Variants in NTM observed in about 807,000 individuals in gnomAD.
The protein encoded by NTM is IgLON family member 2.
A neutral mutation model predicts 42.1 loss-of-function variants in NTM; 13 were observed. The observed-to-expected ratio is 0.31, with a 90% CI of 0.20 to 0.49. NTM has a LOEUF of 0.49. Among genes scored for constraint, NTM ranks in the 20% least tolerant of loss-of-function variants. NTM has a pLI of 0.99. For synonymous variants in NTM, 187 were observed against 179.2 expected (o/e 1.04, Z -0.35); for missense variants, 373 against 452.8 (o/e 0.82, Z 1.60).
At chr11:132,128,746 C>G (rs2066282377) in intron 2 of NTM, among the ~76,000 whole-genome samples, 1 of 150,218 alleles carries the variant, frequency 6.7e-6, no homozygotes, top group Non-Finnish European at 1.5e-5. Context: ...AACCCCGTCT[C>G]TACTAAAAAA....
At chr11:132,275,266 G>C (rs2139748630) in intron 4 of NTM, among the ~76,000 whole-genome samples, 1 of 152,118 alleles carries the variant, frequency 6.6e-6, no homozygotes, top group Middle Eastern at 3.4e-3. Flanking sequence ...CAGATATCCA[G>C]TCATCCTAGA....
At position 131,999,353 on chromosome 11, in the gene NTM, G is replaced by T. The variant is rs114789150; in HGVS notation, c.167+87705G>T. ...GCCAAGTCAATAATTCAAGCAGCAC[G>T]AGGTATCTTAGTACTTGAGCAATGC... On this transcript the variant is annotated intron_variant, in intron 2 of 8. Transcript: ENST00000683400. Among the ~76,000 whole-genome samples, 665 of 152,250 alleles carry T rather than the reference G, an allele frequency of 4.4e-3. 5 individuals are homozygous for T. Among genetic ancestry groups the T allele is most frequent in the African/African-American group, 0.015 (635 of 41,550 alleles).
chr11:131,931,594 A>G (rs987768665), intron 2 of NTM, among the ~76,000 whole-genome samples: 2 of 151,646 alleles, frequency 1.3e-5, no homozygotes, highest in African/African-American at 4.9e-5. Context: ...GCGTTGCACT[A>G]GGTGATGTTT....
intron 7 of NTM, among the ~76,000 whole-genome samples, chr11:132,321,329 T>C (rs1254762885): frequency 6.6e-6 from 1 of 151,994 alleles, no homozygotes; most frequent in African/African-American, 2.4e-5. Context: ...GAGAAGTGCT[T>C]AAAGGAGCTG....
intron 1 of NTM, among the ~76,000 whole-genome samples, chr11:131,489,650 AC>A (rs1213756659): frequency 6.6e-6 from 1 of 152,170 alleles, no homozygotes; most frequent in African/African-American, 2.4e-5. Flanking sequence ...CACCTGGAAA[AC>A]TATGCTGGGG....
At chr11:131,856,702 G>A (rs759758776) in intron 1 of NTM, among the ~76,000 whole-genome samples, 49 of 152,128 alleles carry the variant, frequency 3.2e-4, no homozygotes, top group Non-Finnish European at 4.6e-4. Context: ...AGATTCAAGC[G>A]CCCTTTGAAG....
intron 1 of NTM, among the ~76,000 whole-genome samples, chr11:131,623,060 A>G (rs1441941458): frequency 6.6e-6 from 1 of 152,244 alleles, no homozygotes; most frequent in Non-Finnish European, 1.5e-5. Flanking sequence ...TAGGAGACCC[A>G]CAGCAATCAT....
chr11:131,860,232 G>A (rs1479463056), intron 1 of NTM, among the ~76,000 whole-genome samples: 1 of 152,160 alleles, frequency 6.6e-6, no homozygotes, highest in African/African-American at 2.4e-5. Flanking sequence ...CGTGTTTGGA[G>A]GGTCTCTGGA....
intron 1 of NTM, among the ~76,000 whole-genome samples, chr11:131,449,980 T>G (rs11222620): frequency 0.12 from 18,077 of 152,238 alleles, 1,391 homozygotes; most frequent in South Asian, 0.29. Flanking sequence ...ACCTGGAATC[T>G]GAGATGTCCC....
intron 1 of NTM, among the ~76,000 whole-genome samples, chr11:131,813,114 A>C (rs1011824661): frequency 6.6e-6 from 1 of 152,204 alleles, no homozygotes; most frequent in Admixed American, 6.5e-5. Context: ...AAAGTTATCA[A>C]AGTTACGCCT....
intron 1 of NTM, among the ~76,000 whole-genome samples, chr11:131,546,453 G>A (rs531928562): frequency 3.0e-4 from 46 of 152,118 alleles, no homozygotes; most frequent in Non-Finnish European, 5.1e-4. Context: ...ATTCTGCACA[G>A]CAGGGATTTC....
chr11:131,518,229 C>T (rs760936880), intron 1 of NTM, among the ~76,000 whole-genome samples: 1 of 152,026 alleles, frequency 6.6e-6, no homozygotes, highest in African/African-American at 2.4e-5. Flanking sequence ...GACAGCGAAA[C>T]GGAGGCTCAG....
At chr11:132,293,271 G>A (rs973764580) in intron 4 of NTM, among the ~76,000 whole-genome samples, 1 of 152,156 alleles carries the variant, frequency 6.6e-6, no homozygotes, top group African/African-American at 2.4e-5. Flanking sequence ...AAAAGATGGA[G>A]CAAGCTCAGA....
At chr11:131,601,531 C>G (rs573860731) in intron 1 of NTM, among the ~76,000 whole-genome samples, 1 of 151,646 alleles carries the variant, frequency 6.6e-6, no homozygotes, top group East Asian at 1.9e-4. Flanking sequence ...AATTGTTTCT[C>G]TAGTTGAAGA....
chr11:131,415,006 G>A (rs1460639183), intron 1 of NTM, among the ~76,000 whole-genome samples: 2 of 152,158 alleles, frequency 1.3e-5, no homozygotes, highest in East Asian at 1.9e-4. Flanking sequence ...CAATTGTGAT[G>A]ACGCTGGTGT....
Position 132,105,830 on chromosome 11 carries a change from G to GT in NTM, c.168-40448dup, listed in dbSNP as rs576816191. The stretch of plus-strand genomic sequence containing the variant: ...CACCTTCACTCTAACCATCTTCTCC[G>GT]TTTTAACCTAAAGATTGTTTCCATA... On this transcript the variant is annotated intron_variant, in intron 2 of 8. Transcript: ENST00000683400. Among the ~76,000 whole-genome samples the GT allele has an allele frequency of 2.6e-3, 393 of 152,228 alleles. 2 individuals carry two copies. Among genetic ancestry groups the GT allele is most frequent in the African/African-American group, 9.1e-3 (376 of 41,546 alleles).
intron 1 of NTM, among the ~76,000 whole-genome samples, chr11:131,811,975 C>G (rs1036306437): frequency 5.9e-5 from 9 of 152,168 alleles, no homozygotes; most frequent in Admixed American, 5.2e-4. Context: ...GTAGATGATG[C>G]TGGTATGAAA....
chr11:131,739,290 T>A (rs894013494), intron 1 of NTM, among the ~76,000 whole-genome samples: 1 of 152,174 alleles, frequency 6.6e-6, no homozygotes, highest in East Asian at 1.9e-4. Context: ...AGATGGGTTT[T>A]GGAACAGAGC....
chr11:131,587,076 C>T (rs1352697377), intron 1 of NTM, among the ~76,000 whole-genome samples: 2 of 152,216 alleles, frequency 1.3e-5, no homozygotes, highest in Admixed American at 1.3e-4. Flanking sequence ...CTCCACGTGA[C>T]TTGCATTGTA....
Sources: allele counts gnomAD v4.1 joint callset (sites outside exome capture counted in the v4.1 genomes callset), GRCh38; gene constraint gnomAD v4.1.1; transcripts MANE v1.5; gene names NCBI Gene and HGNC (gene_info 2026-07-23, HGNC 2026-07-21).